The following CUEDC1 variants were observed in gnomAD, a reference collection of about 807,000 sequenced individuals.
CUEDC1 encodes the protein CUE domain-containing protein 1.
Under a neutral mutation model 43.7 loss-of-function variants are expected in CUEDC1, and 30 were observed. The ratio of observed to expected loss-of-function variants is 0.69; its 90% CI spans 0.51 to 0.93. The LOEUF is 0.93. Ranked by LOEUF, CUEDC1 falls within the 40% of genes least tolerant of loss-of-function variation. The pLI is 0.00. For synonymous variants in CUEDC1, 223 were observed against 223.6 expected (o/e 1.00, Z 0.02); for missense variants, 486 against 549.0 (o/e 0.89, Z 1.15).
intron 1 of CUEDC1, among the ~76,000 whole-genome samples, chr17:57,917,795 G>A (rs1006021798): frequency 1.2e-4 from 18 of 152,238 alleles, no homozygotes; most frequent in African/African-American, 3.9e-4. Context: ...CTGAGGCTGA[G>A]AGAATGCAGG....
rs2073872526 is a variant in CUEDC1, at chr17:57,861,614, T to C, written c.*1675A>G. 1 of 152,186 alleles carries C rather than the reference T, an allele frequency of 6.6e-6. No individual in the cohort carries two copies. Among genetic ancestry groups the C allele is most frequent in the Non-Finnish European group, 1.5e-5 (1 of 68,102 alleles). The allele number at this position is 152,186 out of a possible 1,614,324, so 9.4% of individuals were successfully genotyped here. Reference sequence around the variant, plus strand: ...ATCAGAGCACCAAGAGAACACCAACTGTTTATTACAGGAATTCCTATGAAA... The same window carrying C: ...ATCAGAGCACCAAGAGAACACCAACCGTTTATTACAGGAATTCCTATGAAA... On this transcript the variant is annotated 3_prime_UTR_variant, in exon 11 of 11. Coordinates refer to ENST00000577830, the MANE Select transcript of CUEDC1 (RefSeq NM_001271875.2).
chr17:57,905,757 A>G (rs769955056), intron 1 of CUEDC1, among the ~76,000 whole-genome samples: 1 of 152,182 alleles, frequency 6.6e-6, no homozygotes, highest in African/African-American at 2.4e-5. Flanking sequence ...TTTTGTTCAA[A>G]TGTCTGGATG....
At chr17:57,949,058 C>A (rs1044328370) in intron 1 of CUEDC1, among the ~76,000 whole-genome samples, 1 of 152,174 alleles carries the variant, frequency 6.6e-6, no homozygotes, top group Non-Finnish European at 1.5e-5. Context: ...AAACCCACAC[C>A]GCTACTTAGC....
intron 1 of CUEDC1, among the ~76,000 whole-genome samples, chr17:57,931,685 C>T (rs1203338786): frequency 6.6e-6 from 1 of 152,046 alleles, no homozygotes. Context: ...CACACAGGGC[C>T]AAGAAAGGCC....
In CUEDC1 at chr17:57,954,102, A is replaced by G. The variant is rs944194734; in HGVS notation, c.-316+1123T>C. The stretch of plus-strand genomic sequence containing the variant: ...CTGGGGTCCCTCACCTCCTTCAGGC[A>G]CAGCTGGCTATAAAGAAAAGGGGTG... On this transcript the variant is annotated intron_variant, in intron 1 of 10. Transcript: ENST00000577830. This position sits in a 1 kb window ranked among gnomAD's most constrained non-coding sequence, Gnocchi z 4.3. Among the ~76,000 whole-genome samples the G allele has an allele frequency of 3.3e-5, 5 of 152,170 alleles. No homozygotes were observed. The highest frequency in any genetic ancestry group is 2.0e-4 in the Admixed American group (3 of 15,282).
intron 1 of CUEDC1, among the ~76,000 whole-genome samples, chr17:57,922,808 A>T (rs538151713): frequency 1.7e-4 from 26 of 152,102 alleles, no homozygotes; most frequent in Non-Finnish European, 3.2e-4. Flanking sequence ...ATCCATCCCA[A>T]AGACAGGGGT....
intron 1 of CUEDC1, among the ~76,000 whole-genome samples, chr17:57,951,605 C>T (rs1235240464): frequency 3.9e-5 from 6 of 151,976 alleles, no homozygotes; most frequent in African/African-American, 7.3e-5. Context: ...GTTACAAGTA[C>T]GCACCACCAT....
At chr17:57,941,631 A>G (rs904286545) in intron 1 of CUEDC1, among the ~76,000 whole-genome samples, 1 of 152,216 alleles carries the variant, frequency 6.6e-6, no homozygotes, top group Non-Finnish European at 1.5e-5. Flanking sequence ...GACATTTTTC[A>G]CAGTAAAAGG....
intron 1 of CUEDC1, among the ~76,000 whole-genome samples, chr17:57,935,135 C>T (rs2074847638): frequency 6.6e-6 from 1 of 152,238 alleles, no homozygotes; most frequent in African/African-American, 2.4e-5. Context: ...CTAAAACTCA[C>T]TGACTAATAC....
intron 1 of CUEDC1, among the ~76,000 whole-genome samples, chr17:57,929,958 C>G (rs758405854): frequency 2.6e-5 from 4 of 152,252 alleles, no homozygotes; most frequent in South Asian, 2.1e-4. Context: ...GGCACCACCA[C>G]GCCCAGCAAA....
chr17:57,866,424 G>A, intron 10 of CUEDC1, 50 bp downstream of exon 10: 1 of 1,573,062 alleles, frequency 6.4e-7, no homozygotes, highest in Non-Finnish European at 8.7e-7. Flanking sequence ...CATAGTGTGG[G>A]GGGCCCTGGC....
chr17:57,889,872 A>G (rs1201936307), intron 1 of CUEDC1, among the ~76,000 whole-genome samples: 5 of 152,202 alleles, frequency 3.3e-5, no homozygotes, highest in Admixed American at 3.3e-4. Flanking sequence ...GGCTAAGCTC[A>G]GGGCAGAGTC....
rs534084040 is a variant in CUEDC1 at position 57,913,680 on chromosome 17, C to T, written c.-315-27801G>A. 2.6e-5 allele frequency among the ~76,000 whole-genome samples: 4 copies of T among 152,158 alleles called. No homozygotes were observed. In the South Asian group the frequency reaches 6.2e-4, roughly 24 times the overall value. Reference sequence around the variant, plus strand: ...GCAACCCCTCATTTCTGCCCCCCATCCCAGGGATTTCTAGCGAGGAAATAT... The same window carrying T: ...GCAACCCCTCATTTCTGCCCCCCATTCCAGGGATTTCTAGCGAGGAAATAT... On this transcript the variant is annotated intron_variant, in intron 1 of 10. Coordinates refer to ENST00000577830, the MANE Select transcript of CUEDC1 (RefSeq NM_001271875.2).
rs376598737 is a variant in CUEDC1, at chr17:57,915,624, C to T, written c.-315-29745G>A. Among the ~76,000 whole-genome samples, 26 of 152,182 alleles carry T rather than the reference C, an allele frequency of 1.7e-4. 1 individual carries two copies. The highest frequency in any genetic ancestry group is 1.1e-3 in the Admixed American group (17 of 15,282). Reference sequence around the variant, plus strand: ...AGCAACAGCTCAGGCAGAAAGTTGGCGCCTGGCCTTAGGGAGCCCTGTCCG... The same window carrying T: ...AGCAACAGCTCAGGCAGAAAGTTGGTGCCTGGCCTTAGGGAGCCCTGTCCG... On this transcript the variant is annotated intron_variant, in intron 1 of 10. Coordinates refer to ENST00000577830, the MANE Select transcript of CUEDC1 (RefSeq NM_001271875.2).
intron 1 of CUEDC1, among the ~76,000 whole-genome samples, chr17:57,929,782 G>A (rs536913333): frequency 3.9e-5 from 6 of 152,212 alleles, no homozygotes; most frequent in East Asian, 1.9e-4. Flanking sequence ...CTAGCACAGC[G>A]CTTCTCAGTC....
chr17:57,882,759 A>G (rs1260134022), intron 2 of CUEDC1, among the ~76,000 whole-genome samples: 1 of 152,162 alleles, frequency 6.6e-6, no homozygotes, highest in Non-Finnish European at 1.5e-5. Context: ...AGTAGAAAAT[A>G]TATTTTGTCT....
At chr17:57,884,225 C>G (rs1209770978) in intron 2 of CUEDC1, among the ~76,000 whole-genome samples, 1 of 110,086 alleles carries the variant, frequency 9.1e-6, no homozygotes, top group Non-Finnish European at 1.7e-5. Flanking sequence ...TGAGACGGAG[C>G]CTTGTTCTGT....
At chr17:57,953,256 A>G (rs2075025189) in intron 1 of CUEDC1, among the ~76,000 whole-genome samples, 1 of 152,164 alleles carries the variant, frequency 6.6e-6, no homozygotes. Flanking sequence ...CTCTAATTCA[A>G]TAGACCAGTG....
intron 1 of CUEDC1, among the ~76,000 whole-genome samples, chr17:57,926,996 A>G (rs2074753591): frequency 6.6e-6 from 1 of 152,196 alleles, no homozygotes; most frequent in Admixed American, 6.5e-5. Context: ...TCTGAGAAAG[A>G]GGCCCAGATG....
Sources: gnomAD v4.1 joint callset for allele counts (sites outside exome capture counted in the v4.1 genomes callset) on GRCh38, gnomAD v4.1.1 for gene constraint, Gnocchi (gnomAD v3.1) non-coding constraint, MANE v1.5 for transcripts, NCBI Gene and HGNC (gene_info 2026-07-23, HGNC 2026-07-21) for gene names.